The following PLEKHA6 variants were observed in gnomAD, a reference collection of about 807,000 sequenced individuals.
PLEKHA6 encodes pleckstrin homology domain-containing family A member 6.
A neutral mutation model predicts 116.7 loss-of-function variants in PLEKHA6; 60 were observed. That is an observed-to-expected ratio of 0.51 (90% CI 0.42 to 0.64). The LOEUF (loss-of-function observed/expected upper bound fraction) is 0.64. Among genes scored for constraint, PLEKHA6 ranks in the 30% least tolerant of loss-of-function variants. PLEKHA6 has a pLI of 0.00. For synonymous variants in PLEKHA6, 489 were observed against 556.1 expected (o/e 0.88, Z 1.70); for missense variants, 1,338 against 1,422.7 (o/e 0.94, Z 0.96).
Position 204,277,718 on chromosome 1 carries a change from G to A in PLEKHA6, c.-94-2909C>T, listed in dbSNP as rs1668166553. ...ATTGAGCAGTTCTCCCTTCTCTTCG[G>A]TCAGCCTGCCCAGCCTTCTTCTGTG... On this transcript the variant is annotated intron_variant, in intron 1 of 22. Coordinates refer to ENST00000272203, the MANE Select transcript of PLEKHA6 (RefSeq NM_014935.5). This position sits in a 1 kb window ranked among gnomAD's most constrained non-coding sequence, Gnocchi z 4.1. 1 of 152,234 alleles carries A rather than the reference G, an allele frequency of 6.6e-6. No homozygotes were observed. Among genetic ancestry groups the A allele is most frequent in the Non-Finnish European group, 1.5e-5 (1 of 68,062 alleles). 9.4% of individuals were successfully genotyped at this position (152,234 alleles called of 1,614,324 possible). A position where few individuals can be genotyped will look rare whatever the true frequency, so the allele number is the denominator to read the frequency against.
At position 204,377,212 on chromosome 1, in the gene PLEKHA6, C is replaced by T. The variant is rs183238472; in HGVS notation, c.83+371G>A. ...CCCAAGTCTTCCCATAGGAAAGTCT[C>T]GGGGAAAATGAAAGACCTACCTCTG... On this transcript the variant is annotated intron_variant, in intron 1 of 4. Transcript: ENST00000564627. Among the ~76,000 whole-genome samples, 174 of 151,966 alleles carry T rather than the reference C, an allele frequency of 1.1e-3. 1 individual carries two copies. The highest frequency in any genetic ancestry group is 4.0e-3 in the African/African-American group (166 of 41,302).
intron 1 of PLEKHA6, among the ~76,000 whole-genome samples, chr1:204,331,329 G>A (rs1264815031): frequency 6.6e-6 from 1 of 152,148 alleles, no homozygotes; most frequent in Admixed American, 6.6e-5. Context: ...AAGAAGAAAG[G>A]AGGCAGAAGG....
chr1:204,354,552 A>G (rs1673366637), intron 1 of PLEKHA6, among the ~76,000 whole-genome samples: 1 of 152,234 alleles, frequency 6.6e-6, no homozygotes, highest in Admixed American at 6.5e-5. Flanking sequence ...ACTTCCATGT[A>G]CATTACTCAC....
At chr1:204,332,151 G>A (rs572688717) in intron 1 of PLEKHA6, among the ~76,000 whole-genome samples, 2 of 152,260 alleles carry the variant, frequency 1.3e-5, no homozygotes, top group East Asian at 1.9e-4. Context: ...ACCCTTTGCC[G>A]GCATGTTGCT....
chr1:204,354,915 A>C (rs1673374882), intron 1 of PLEKHA6, among the ~76,000 whole-genome samples: 1 of 152,248 alleles, frequency 6.6e-6, no homozygotes, highest in Non-Finnish European at 1.5e-5. Flanking sequence ...GCCCCAGTGG[A>C]GTATCCTATA....
At chr1:204,278,146 T>G (rs574721268) in intron 1 of PLEKHA6, among the ~76,000 whole-genome samples, 1 of 152,354 alleles carries the variant, frequency 6.6e-6, no homozygotes, top group East Asian at 1.9e-4. Flanking sequence ...CCCCCTTTCC[T>G]AATGTCCTTC....
In PLEKHA6 at chr1:204,328,239, C is replaced by T. The variant is rs1033207340; in HGVS notation, c.-95+31455G>A. On this transcript the variant is annotated intron_variant, in intron 1 of 22. Transcript: ENST00000272203. ...CTGGGATTACAGGCATGCACCCCCACGCCCAGCTAATTTTGTATTTTTAGT... is the reference window on the plus strand; with the variant it reads ...CTGGGATTACAGGCATGCACCCCCATGCCCAGCTAATTTTGTATTTTTAGT... Among the ~76,000 whole-genome samples the T allele has an allele frequency of 1.5e-4, 22 of 150,758 alleles. No individual in the cohort carries two copies. The South Asian group carries it at 2.3e-3, about 16-fold the overall frequency.
rs951724773 is a variant in PLEKHA6 at position 204,257,024 on chromosome 1, C to T, written c.1524+329G>A. On this transcript the variant is annotated intron_variant, in intron 9 of 22. Transcript: ENST00000272203. The surrounding 1 kb of genome is among the most constrained non-coding windows in gnomAD (Gnocchi z 6.5). The stretch of plus-strand genomic sequence containing the variant: ...CAAACTGAAATGGACAGCAGCCCCC[C>T]TTGCAATGATCTGTCCAGGTCCTCA... 13 of 586,014 alleles carry T rather than the reference C, an allele frequency of 2.2e-5. No individual in the cohort carries two copies. The highest frequency in any genetic ancestry group is 3.9e-5 in the Non-Finnish European group (13 of 330,018). The allele number at this position is 586,014 out of a possible 1,614,324, so 36.3% of individuals were successfully genotyped here.
At chr1:204,312,624 A>G (rs1003123077) in intron 1 of PLEKHA6, among the ~76,000 whole-genome samples, 14 of 152,134 alleles carry the variant, frequency 9.2e-5, no homozygotes, top group East Asian at 1.9e-4. Flanking sequence ...TTTGGTAAAT[A>G]TTTGGCTGGC....
At chr1:204,249,011 C>A (rs1382540889) in intron 11 of PLEKHA6, 41 bp from the exon 12 acceptor site, 1 of 1,605,908 alleles carries the variant, frequency 6.2e-7, no homozygotes, top group South Asian at 1.1e-5. Flanking sequence ...GCCCTGACAG[C>A]TCCTCTCTGG....
At chr1:204,282,386 T>C (rs930009460) in intron 1 of PLEKHA6, among the ~76,000 whole-genome samples, 2 of 152,158 alleles carry the variant, frequency 1.3e-5, no homozygotes, top group Admixed American at 6.5e-5. Flanking sequence ...CCAGAGTAGA[T>C]AGCATAACTC....
At chr1:204,299,112 C>A (rs1246775901) in intron 1 of PLEKHA6, among the ~76,000 whole-genome samples, 1 of 152,238 alleles carries the variant, frequency 6.6e-6, no homozygotes, top group African/African-American at 2.4e-5. Flanking sequence ...TCTGGGGCTT[C>A]AGCTGCTTTG....
At chr1:204,247,487 G>A (rs1397101366) in intron 12 of PLEKHA6, 27 bp from the exon 13 acceptor site, 7 of 1,465,790 alleles carry the variant, frequency 4.8e-6, no homozygotes, top group Admixed American at 1.7e-5. Context: ...CGTTCACTGA[G>A]AAAGCCGCCA....
chr1:204,355,539 A>C (rs1287445085), intron 1 of PLEKHA6, among the ~76,000 whole-genome samples: 1 of 152,178 alleles, frequency 6.6e-6, no homozygotes, highest in Non-Finnish European at 1.5e-5. Flanking sequence ...TCCTGGGTTC[A>C]ATGGATTCTC....
chr1:204,354,462 G>A (rs1673364386), intron 1 of PLEKHA6, among the ~76,000 whole-genome samples: 1 of 152,196 alleles, frequency 6.6e-6, no homozygotes, highest in African/African-American at 2.4e-5. Context: ...CACCCATCTG[G>A]TCTTTGAGTT....
chr1:204,329,672 T>C (rs1192902945), intron 1 of PLEKHA6, among the ~76,000 whole-genome samples: 1 of 152,114 alleles, frequency 6.6e-6, no homozygotes, highest in East Asian at 1.9e-4. Context: ...TCTAACTACA[T>C]TTACAGGAAC....
At chr1:204,329,026 T>TTG (rs1672352446) in intron 1 of PLEKHA6, among the ~76,000 whole-genome samples, 1 of 152,224 alleles carries the variant, frequency 6.6e-6, no homozygotes, top group Non-Finnish European at 1.5e-5. Flanking sequence ...GCACTACTTC[T>TTG]TGTGTGTGTA....
At chr1:204,288,062 C>G (rs1035558363) in intron 1 of PLEKHA6, among the ~76,000 whole-genome samples, 1 of 152,194 alleles carries the variant, frequency 6.6e-6, no homozygotes, top group Non-Finnish European at 1.5e-5. Context: ...TGTTCCAGAG[C>G]CACCCAGACA....
At chr1:204,332,758 C>T (rs1393904968) in intron 1 of PLEKHA6, among the ~76,000 whole-genome samples, 4 of 152,126 alleles carry the variant, frequency 2.6e-5, no homozygotes, top group Non-Finnish European at 5.9e-5. Flanking sequence ...AGACTAATCC[C>T]GGCAGCAGTC....
Sources: allele counts gnomAD v4.1 joint callset (sites outside exome capture counted in the v4.1 genomes callset), GRCh38; gene constraint gnomAD v4.1.1; non-coding constraint Gnocchi (gnomAD v3.1); transcripts MANE v1.5; gene names NCBI Gene and HGNC (gene_info 2026-07-23, HGNC 2026-07-21).